Variants in CELF2 observed in about 807,000 individuals in gnomAD.
CELF2 encodes CUG triplet repeat RNA-binding protein 2.
In CELF2, 8 loss-of-function variants were observed where a neutral mutation model predicts 62.6. The ratio of observed to expected loss-of-function variants is 0.13; its 90% CI spans 0.07 to 0.23. CELF2 has a LOEUF of 0.23. Ranked by LOEUF, CELF2 falls within the 10% of genes least tolerant of loss-of-function variation. The probability of loss-of-function intolerance (pLI) is 1.00; values close to 1 mark genes in which losing one functional copy is unlikely to be tolerated. For missense variants in CELF2, 333 were observed against 671.0 expected (o/e 0.50, Z 5.56); for synonymous variants, 258 against 250.0 (o/e 1.03, Z -0.30).
the CELF2 span, among the ~76,000 whole-genome samples, chr10:10,768,577 CTTTT>C: frequency 2.4e-4 from 33 of 138,544 alleles, no homozygotes; most frequent in African/African-American, 8.5e-4. Context: ...TTTTCTTTTT[CTTTT>C]TTTTTTTTTT....
At chr10:10,868,221 G>A (rs775810121) in intron 1 of CELF2, among the ~76,000 whole-genome samples, 2 of 152,150 alleles carry the variant, frequency 1.3e-5, no homozygotes, top group African/African-American at 2.4e-5. Context: ...TTCTTACTGG[G>A]CTCTCTTGAG....
chr10:10,636,943 G>A, the CELF2 span, among the ~76,000 whole-genome samples: 2 of 151,962 alleles, frequency 1.3e-5, no homozygotes, highest in East Asian at 3.9e-4. Flanking sequence ...CTCCTCCTAG[G>A]GATTATGTGA....
At chr10:11,185,102 T>C (rs936821527) in intron 2 of CELF2, among the ~76,000 whole-genome samples, 5 of 152,226 alleles carry the variant, frequency 3.3e-5, no homozygotes, top group African/African-American at 1.2e-4. Flanking sequence ...TTTTTTTTAA[T>C]GTTTTTTTCT....
At chr10:10,500,246 C>T in the CELF2 span, among the ~76,000 whole-genome samples, 5 of 152,142 alleles carry the variant, frequency 3.3e-5, no homozygotes, top group Non-Finnish European at 7.4e-5. Flanking sequence ...ATTGTAGATT[C>T]ACATATAGTT....
At chr10:10,495,073 G>A in the CELF2 span, among the ~76,000 whole-genome samples, 6 of 151,932 alleles carry the variant, frequency 3.9e-5, no homozygotes, top group Non-Finnish European at 5.9e-5. Flanking sequence ...TCAGGAGATC[G>A]AGACCATCCT....
rs925498793 is a variant in CELF2, at chr10:10,945,119, T to C, written c.89+25120T>C. The stretch of plus-strand genomic sequence containing the variant: ...CAGAGTAATGTGTGGGACTGGAACA[T>C]CAGAGAGTCTTAGACATTCAGCCTA... On this transcript the variant is annotated intron_variant, in intron 2 of 13. Coordinates refer to the CELF2 transcript ENST00000636488. Among the ~76,000 whole-genome samples the C allele has an allele frequency of 1.5e-4, 23 of 152,144 alleles. No homozygotes were observed. In the South Asian group the frequency reaches 4.4e-3, roughly 29 times the overall value.
At chr10:10,805,130 G>T (rs1232466789) in intron 1 of CELF2, among the ~76,000 whole-genome samples, 12 of 152,108 alleles carry the variant, frequency 7.9e-5, no homozygotes, top group Non-Finnish European at 1.2e-4. Context: ...CTTTGTAATA[G>T]CCCTGTGAAG....
the CELF2 span, among the ~76,000 whole-genome samples, chr10:10,582,300 T>C: frequency 5.9e-5 from 9 of 152,222 alleles, no homozygotes; most frequent in African/African-American, 2.2e-4. Context: ...AAAATTTAAA[T>C]ACATTGATGA....
intron 3 of CELF2, among the ~76,000 whole-genome samples, chr10:11,226,995 G>A (rs754557977): frequency 2.0e-5 from 3 of 152,066 alleles, no homozygotes; most frequent in African/African-American, 2.4e-5. Context: ...GCCCAGCTCC[G>A]TCCAACTGTC....
chr10:10,611,972 T>G, the CELF2 span, among the ~76,000 whole-genome samples: 1 of 152,182 alleles, frequency 6.6e-6, no homozygotes, highest in African/African-American at 2.4e-5. Flanking sequence ...AGATCCATGA[T>G]TTCAGCCTAA....
At chr10:11,283,596 TGATG>T (rs2089780986) in intron 8 of CELF2, among the ~76,000 whole-genome samples, 1 of 133,844 alleles carries the variant, frequency 7.5e-6, no homozygotes, top group Non-Finnish European at 1.6e-5. Flanking sequence ...GGTGACTAGA[TGATG>T]GATGGGGGCT....
intron 1 of CELF2, among the ~76,000 whole-genome samples, chr10:11,027,278 T>C (rs2059369552): frequency 6.6e-6 from 1 of 152,226 alleles, no homozygotes. Flanking sequence ...CACAAGCTCA[T>C]GTTTTCCTGT....
intron 2 of CELF2, among the ~76,000 whole-genome samples, chr10:10,956,935 TAA>T (rs777089169): frequency 9.2e-5 from 13 of 141,520 alleles, no homozygotes; most frequent in Non-Finnish European, 7.8e-5. Context: ...CACCGTCTCT[TAA>T]AAAAAAAAAA....
the CELF2 span, among the ~76,000 whole-genome samples, chr10:10,520,078 T>A: frequency 6.6e-6 from 1 of 152,216 alleles, no homozygotes; most frequent in Non-Finnish European, 1.5e-5. Flanking sequence ...AATCTTGCAA[T>A]GTACCCAGCC....
At chr10:11,141,907 G>A (rs17377159) in intron 1 of CELF2, among the ~76,000 whole-genome samples, 8,410 of 152,244 alleles carry the variant, frequency 0.055, 263 homozygotes, top group African/African-American at 0.085. Context: ...TCACATTATT[G>A]CAGCTGACAT....
chr10:11,211,536 G>A lies in CELF2; in HGVS notation c.272-5889G>A, dbSNP rs7078714. On this transcript the variant is annotated intron_variant, in intron 2 of 12. Coordinates refer to ENST00000633077, the MANE Select transcript of CELF2 (RefSeq NM_001326342.2). The surrounding 1 kb of genome is among the most constrained non-coding windows in gnomAD (Gnocchi z 4.8). ...ATTGCTCTTTGATTCACAGCAAACC[G>A]TGATATAAACTGGTTATCTTTATAT... Among the ~76,000 whole-genome samples, 3,525 of 152,156 alleles carry A rather than the reference G, an allele frequency of 0.023. 128 individuals are homozygous for A. The highest frequency in any genetic ancestry group is 0.08 in the African/African-American group (3,320 of 41,478).
At chr10:11,051,945 C>T (rs535692226) in intron 1 of CELF2, among the ~76,000 whole-genome samples, 69 of 144,012 alleles carry the variant, frequency 4.8e-4, no homozygotes, top group African/African-American at 1.7e-3. Context: ...GTGGCCCAGG[C>T]TGGAGTGCGG....
chr10:10,768,363 C>A, the CELF2 span, among the ~76,000 whole-genome samples: 1 of 151,942 alleles, frequency 6.6e-6, no homozygotes, highest in Admixed American at 6.6e-5. Flanking sequence ...CAGGGCAAAG[C>A]GCAACGTGTT....
chr10:10,640,110 A>G, the CELF2 span, among the ~76,000 whole-genome samples: 1 of 152,214 alleles, frequency 6.6e-6, no homozygotes, highest in Non-Finnish European at 1.5e-5. Flanking sequence ...TCAGTGTGCT[A>G]CATCCAGTCC....
Sources: allele counts gnomAD v4.1 joint callset (sites outside exome capture counted in the v4.1 genomes callset), GRCh38; gene constraint gnomAD v4.1.1; non-coding constraint Gnocchi (gnomAD v3.1); transcripts MANE v1.5; gene names NCBI Gene and HGNC (gene_info 2026-07-23, HGNC 2026-07-21).